The following TRIM67 variants were observed in gnomAD, a reference collection of about 807,000 sequenced individuals.
TRIM67 encodes the protein tripartite motif-containing protein 67.
A neutral mutation model predicts 71.0 loss-of-function variants in TRIM67; 39 were observed. The ratio of observed to expected loss-of-function variants is 0.55; its 90% CI spans 0.43 to 0.72. The LOEUF is 0.72. TRIM67 is among the 30% of genes least tolerant of loss of function. TRIM67 has a pLI of 0.00. For missense variants in TRIM67, 973 were observed against 1,079.2 expected, an observed-to-expected ratio of 0.90 and a Z score of 1.38; for synonymous variants, 481 against 473.9, an observed-to-expected ratio of 1.01 and a Z score of -0.19.
At chr1:231,176,905 G>GAAAAAAAAAAAAA (rs1208064270) in intron 1 of TRIM67, among the ~76,000 whole-genome samples, 1 of 39,364 alleles carries the variant, frequency 2.5e-5, no homozygotes, top group African/African-American at 5.0e-4. Context: ...ATACAATCTG[G>GAAAAAAAAAAAAA]CAAAAAAAAA....
Position 231,209,867 on chromosome 1 carries a change from G to A in TRIM67, c.2123+617G>A, listed in dbSNP as rs111760174. Among the ~76,000 whole-genome samples the A allele has an allele frequency of 3.9e-5, 6 of 152,300 alleles. No homozygotes were observed. The highest frequency in any genetic ancestry group is 1.2e-4 in the African/African-American group (5 of 41,566). ...CACCAGCATGGACACAGGAGACTCA[G>A]GTCCTGGCCTGTGAAACTACTGGGA... On this transcript the variant is annotated intron_variant, in intron 8 of 9. Transcript: ENST00000366653. The surrounding 1 kb of genome is among the most constrained non-coding windows in gnomAD (Gnocchi z 4.1).
In TRIM67 at chr1:231,197,353, A is replaced by C. The variant is rs752126953; in HGVS notation, c.1045-18A>C. 1.1e-5 allele frequency: 17 copies of C among 1,609,358 alleles called. No individual in the cohort carries two copies. The East Asian group carries it at 3.3e-4, about 32-fold the overall frequency. On this transcript the variant is annotated intron_variant, in intron 1 of 9. Coordinates refer to ENST00000366653, the MANE Select transcript of TRIM67 (RefSeq NM_001004342.5). The stretch of plus-strand genomic sequence containing the variant: ...TTCACAACTAATTTTTCTTTTCAAC[A>C]TGTGATATCTTTTTCAGGCACAACT...
At chr1:231,165,075 C>T (rs1437731567) in intron 1 of TRIM67, among the ~76,000 whole-genome samples, 2 of 152,190 alleles carry the variant, frequency 1.3e-5, no homozygotes, top group Non-Finnish European at 2.9e-5. Context: ...GTCCAATTTT[C>T]ACCCCTTACC....
chr1:231,206,567 T>C (rs1683703964), intron 6 of TRIM67, 85 bp from the exon 7 acceptor site: 5 of 1,371,260 alleles, frequency 3.6e-6, no homozygotes, highest in Non-Finnish European at 4.8e-6. Flanking sequence ...GCACTTTTAA[T>C]GTCAATGTGT....
intron 1 of TRIM67, among the ~76,000 whole-genome samples, chr1:231,183,454 A>C (rs754086051): frequency 6.6e-6 from 1 of 152,078 alleles, no homozygotes; most frequent in Non-Finnish European, 1.5e-5. Context: ...AAAATAACAA[A>C]ATATAAAAAT....
chr1:231,213,617 G>A (rs58471019), intron 8 of TRIM67, among the ~76,000 whole-genome samples, 198 bp from the exon 9 acceptor site: 10,734 of 152,190 alleles, frequency 0.071, 899 homozygotes, highest in African/African-American at 0.21. Context: ...TGTAGTCCCA[G>A]CTACTCGGGA....
chr1:231,176,829 G>A (rs1428529737), intron 1 of TRIM67, among the ~76,000 whole-genome samples: 1 of 145,748 alleles, frequency 6.9e-6, no homozygotes, highest in Non-Finnish European at 1.5e-5. Flanking sequence ...GTGAAGAACA[G>A]GAATAGCCAG....
At chr1:231,174,116 T>TTGGATGA (rs1320037309) in intron 1 of TRIM67, among the ~76,000 whole-genome samples, 3 of 152,046 alleles carry the variant, frequency 2.0e-5, no homozygotes, top group South Asian at 4.2e-4. Flanking sequence ...CACACAGTTC[T>TTGGATGA]TGGATGATCT....
chr1:231,169,993 C>CTTTTTTTTTTTTT (rs369558747), intron 1 of TRIM67, among the ~76,000 whole-genome samples: 5 of 136,148 alleles, frequency 3.7e-5, no homozygotes, highest in African/African-American at 1.6e-4. Flanking sequence ...TTCTTTCTCT[C>CTTTTTTTTTTTTT]TTTTTTTTTT....
In TRIM67 at chr1:231,193,503, G is replaced by GCTCTCTCCCT. The variant is rs71567055; in HGVS notation, c.1045-3861_1045-3860insCCTCTCTCTC. 1.2e-3 allele frequency among the ~76,000 whole-genome samples: 99 copies of GCTCTCTCCCT among 81,996 alleles called. 1 individual carries two copies. The highest frequency in any genetic ancestry group is 6.0e-3 in the Admixed American group (38 of 6,350). The allele number at this position is 81,996 out of a possible 152,430, so 53.8% of individuals were successfully genotyped here. ...AAGAGACACCTGAACTCTCTCTCAA[G>GCTCTCTCCCT]CTCTCTCTCTCTCTCTCTCTCTCTC... On this transcript the variant is annotated intron_variant, in intron 1 of 9. Coordinates refer to ENST00000366653, the MANE Select transcript of TRIM67 (RefSeq NM_001004342.5).
intron 8 of TRIM67, among the ~76,000 whole-genome samples, chr1:231,213,294 G>A (rs1016689746): frequency 1.3e-5 from 2 of 152,172 alleles, no homozygotes; most frequent in Non-Finnish European, 2.9e-5. Flanking sequence ...ACAGCCTGGA[G>A]GTGTTCCTCT....
Position 231,175,106 on chromosome 1 carries a change from C to T in TRIM67, c.1044+11093C>T, listed in dbSNP as rs115636969. ...ACTTTGCCTGGTGCAGACAGTGCAG[C>T]CATTCATCATATTTCAAGTTTCATG... On this transcript the variant is annotated intron_variant, in intron 1 of 9. Coordinates refer to ENST00000366653, the MANE Select transcript of TRIM67 (RefSeq NM_001004342.5). Among the ~76,000 whole-genome samples, 80 of 152,338 alleles carry T rather than the reference C, an allele frequency of 5.3e-4. 2 individuals are homozygous for T. Among genetic ancestry groups the T allele is most frequent in the African/African-American group, 1.9e-3 (79 of 41,578 alleles).
chr1:231,188,138 C>G (rs1683135840), intron 1 of TRIM67, among the ~76,000 whole-genome samples: 1 of 152,126 alleles, frequency 6.6e-6, no homozygotes, highest in Non-Finnish European at 1.5e-5. Context: ...TTACATGGCA[C>G]CATATTGCTA....
chr1:231,177,779 A>ATGTATAAATATGTATAAATATG lies in TRIM67; in HGVS notation c.1044+13766_1044+13767insTGTATAAATATGTATAAATATG, dbSNP rs1682794158. Among the ~76,000 whole-genome samples the ATGTATAAATATGTATAAATATG allele has an allele frequency of 5.9e-5, 9 of 152,350 alleles. No individual in the cohort carries two copies. The South Asian group carries it at 1.9e-3, about 32-fold the overall frequency. On this transcript the variant is annotated intron_variant, in intron 1 of 9. Transcript: ENST00000366653. Reference sequence around the variant, plus strand: ...GCTTTATACATCATATGCATAAATAACACTATATTTTGAACACTTTGAGAA... The same window carrying ATGTATAAATATGTATAAATATG: ...GCTTTATACATCATATGCATAAATAATGTATAAATATGTATAAATATGCACTATATTTTGAACACTTTGAGAA...
intron 7 of TRIM67, 101 bp downstream of exon 7, chr1:231,206,891 G>A: frequency 7.5e-7 from 1 of 1,330,038 alleles, no homozygotes; most frequent in Non-Finnish European, 1.0e-6. Flanking sequence ...GGTAGGGGTG[G>A]GGGGTGGTGC....
In TRIM67 at chr1:231,163,373, C is replaced by G. The variant is rs1682349533; in HGVS notation, c.404C>G (p.Pro135Arg). ...VRVLPMVPAP[P>R]GSSAAAARGA... ...GTGCTGCCCATGGTGCCCGCACCAC[C>G]CGGCTCCTCGGCTGCGGCGGCTCGG... is the stretch of plus-strand genomic sequence containing the variant. The change falls in exon 1 of 10, where the codon CCC becomes CGC. Residue 135 changes from proline to arginine, a missense_variant. By Grantham distance (103) the Pro-to-Arg change is moderately radical (BLOSUM62 -2). Transcript: ENST00000366653. 1 of 1,535,576 alleles carries G rather than the reference C, an allele frequency of 6.5e-7. No individual in the cohort carries two copies. Among genetic ancestry groups the G allele is most frequent in the African/African-American group, 1.4e-5 (1 of 70,692 alleles).
chr1:231,192,603 T>C (rs1457389259), intron 1 of TRIM67, among the ~76,000 whole-genome samples: 1 of 152,230 alleles, frequency 6.6e-6, no homozygotes, highest in Non-Finnish European at 1.5e-5. Flanking sequence ...TGACTTGTGG[T>C]CATTCACACA....
At position 231,215,494 on chromosome 1, in the gene TRIM67, C is replaced by A. The variant is rs1208215092; in HGVS notation, c.*54C>A. ...GACAGTGACATTCACAGGCAAAACG[C>A]CCACCATTCTCACTAAGCTCAAATA... is the stretch of plus-strand genomic sequence containing the variant. On this transcript the variant is annotated 3_prime_UTR_variant, in exon 10 of 10. Transcript: ENST00000366653. The A allele has an allele frequency of 6.5e-7, 1 of 1,529,304 alleles. No homozygotes were observed. Among genetic ancestry groups the A allele is most frequent in the Non-Finnish European group, 8.8e-7 (1 of 1,130,752 alleles). The allele number at this position is 1,529,304 out of a possible 1,614,324, so 94.7% of individuals were successfully genotyped here. A position where few individuals can be genotyped will look rare whatever the true frequency, so the allele number is the denominator to read the frequency against.
chr1:231,210,864 A>G (rs1683848076), intron 8 of TRIM67, among the ~76,000 whole-genome samples: 2 of 151,162 alleles, frequency 1.3e-5, no homozygotes, highest in Admixed American at 1.3e-4. Context: ...ACTTAGTGAG[A>G]CCCTGTCTCT....
Sources: allele counts gnomAD v4.1 joint callset (sites outside exome capture counted in the v4.1 genomes callset), GRCh38; gene constraint gnomAD v4.1.1; non-coding constraint Gnocchi (gnomAD v3.1); transcripts MANE v1.5; gene names NCBI Gene and HGNC (gene_info 2026-07-23, HGNC 2026-07-21).